DCUN1D2: variants seen among roughly 807,000 people sequenced by gnomAD.
DCUN1D2 encodes DCN1-like protein 2.
DCUN1D2 carries 29 observed loss-of-function variants against 30.9 expected under a neutral mutation model. That is an observed-to-expected ratio of 0.94 (90% CI 0.70 to 1.28). The LOEUF (loss-of-function observed/expected upper bound fraction) is 1.28, where lower values mean the gene tolerates loss of function less well. Among genes scored for constraint, DCUN1D2 ranks in the 50% most tolerant of loss-of-function variants. The probability of loss-of-function intolerance (pLI) is 0.00; values close to 1 mark genes in which losing one functional copy is unlikely to be tolerated. For synonymous variants in DCUN1D2, 121 were observed against 115.3 expected (o/e 1.05, Z -0.32); for missense variants, 325 against 316.9 (o/e 1.03, Z -0.19).
chr13:113,480,506 G>C (rs1285215048), intron 3 of DCUN1D2, 69 bp downstream of exon 3: 2 of 1,555,976 alleles, frequency 1.3e-6, no homozygotes, highest in African/African-American at 1.4e-5. Flanking sequence ...GTATGTACAG[G>C]TTGCTGAAAA....
At chr13:113,461,023 G>A in intron 5 of DCUN1D2, 31 bp downstream of exon 5, 1 of 1,445,490 alleles carries the variant, frequency 6.9e-7, no homozygotes, top group Non-Finnish European at 9.7e-7. Context: ...CTCCACAGTG[G>A]GCACACAGCG....
chr13:113,481,610 A>G (rs2044708648), intron 2 of DCUN1D2, among the ~76,000 whole-genome samples: 3 of 152,226 alleles, frequency 2.0e-5, no homozygotes, highest in Non-Finnish European at 4.4e-5. Context: ...GTGGCTGGGC[A>G]CGGTGGCTCA....
intron 2 of DCUN1D2, among the ~76,000 whole-genome samples, chr13:113,482,380 T>G (rs1215478616): frequency 6.6e-6 from 1 of 152,218 alleles, no homozygotes; most frequent in African/African-American, 2.4e-5. Flanking sequence ...TAAATAACTT[T>G]TAAAAATCTG....
Position 113,483,763 on chromosome 13 carries a change from C to G in DCUN1D2, c.220+77G>C, listed in dbSNP as rs1341894336. On this transcript the variant is annotated intron_variant, in intron 2 of 6. Coordinates refer to ENST00000478244, the MANE Select transcript of DCUN1D2 (RefSeq NM_001014283.2). ...GCAGCCCGGAGACCTGCCCCGGCAC[C>G]AGAACCCTGGAAGTGCAGCGCGCAG... The G allele has an allele frequency of 2.1e-6, 3 of 1,455,878 alleles. No homozygotes were observed. The African/African-American group carries it at 4.2e-5, about 20-fold the overall frequency. 90.2% of individuals were successfully genotyped at this position (1,455,878 alleles called of 1,614,324 possible).
rs761173109 is a variant in DCUN1D2 at position 113,484,022 on chromosome 13, C to T, written c.38G>A (p.Arg13His). ...KLKSSQKDKV[R>H]QFMACTQAGE... ...AGCCTGAGTGCACGCCATAAACTGG[C>T]GGACCTTGTCCTTCTGAGACGATTT... Residue 13 changes from arginine (R) to histidine (H), a missense_variant, in exon 2 of 7, where the codon CGC (arginine) becomes CAC (histidine). Transcript: ENST00000478244. 10 of 1,613,962 alleles carry T rather than the reference C, an allele frequency of 6.2e-6. No individual in the cohort carries two copies. Among genetic ancestry groups the T allele is most frequent in the East Asian group, 4.5e-5 (2 of 44,902 alleles).
rs1310471234 is a variant in DCUN1D2, at chr13:113,490,341, G to C, written c.3+326C>G. On this transcript the variant is annotated intron_variant, in intron 1 of 6. Coordinates refer to ENST00000478244, the MANE Select transcript of DCUN1D2 (RefSeq NM_001014283.2). This position sits in a 1 kb window ranked among gnomAD's most constrained non-coding sequence, Gnocchi z 5.2. ...CGCCTCGACTGCCCGTTTCGAAGCC[G>C]CCCTGGGAAGCCCCCGGCCTGGGTT... The C allele has an allele frequency of 3.9e-6, 1 of 254,886 alleles. No homozygotes were observed. Among genetic ancestry groups the C allele is most frequent in the East Asian group, 7.7e-5 (1 of 12,984 alleles). The allele number at this position is 254,886 out of a possible 1,614,324, so 15.8% of individuals were successfully genotyped here.
chr13:113,474,110 G>C lies in DCUN1D2; in HGVS notation c.520+14C>G. On this transcript the variant is annotated intron_variant, in intron 4 of 6. Coordinates refer to ENST00000478244, the MANE Select transcript of DCUN1D2 (RefSeq NM_001014283.2). ...TATGATCTGGCATTTTACGTATTTG[G>C]ATTTCATACTCACCTAAACCTTTCT... is the stretch of plus-strand genomic sequence containing the variant. 1 of 1,609,122 alleles carries C rather than the reference G, an allele frequency of 6.2e-7. No homozygotes were observed. Among genetic ancestry groups the C allele is most frequent in the African/African-American group, 1.3e-5 (1 of 74,904 alleles).
At chr13:113,484,388 G>A (rs979433734) in intron 1 of DCUN1D2, among the ~76,000 whole-genome samples, 2 of 152,132 alleles carry the variant, frequency 1.3e-5, no homozygotes, top group African/African-American at 2.4e-5. Flanking sequence ...GAGGACACAG[G>A]GCAAGGACCT....
chr13:113,490,531 TC>T lies in DCUN1D2; in HGVS notation c.3+135del. On this transcript the variant is annotated intron_variant, in intron 1 of 6. Transcript: ENST00000478244. The surrounding 1 kb of genome is among the most constrained non-coding windows in gnomAD (Gnocchi z 5.2). The stretch of plus-strand genomic sequence containing the variant: ...GGCTCGCGGGCCCGCGGCGCGTTCC[TC>T]CCTCGGATCCACGCGGAACGCCCCG... 2.1e-6 allele frequency: 2 copies of T among 937,680 alleles called. No individual in the cohort carries two copies. The highest frequency in any genetic ancestry group is 4.5e-5 in the Admixed American group (1 of 22,024). The allele number at this position is 937,680 out of a possible 1,614,324, so 58.1% of individuals were successfully genotyped here.
chr13:113,482,460 C>T (rs1002215236), intron 2 of DCUN1D2, among the ~76,000 whole-genome samples: 1 of 152,160 alleles, frequency 6.6e-6, no homozygotes, highest in East Asian at 1.9e-4. Context: ...TTAAAGTAGA[C>T]TAAAGCTTAA....
chr13:113,460,630 G>A (rs546877874), intron 5 of DCUN1D2, among the ~76,000 whole-genome samples: 5 of 152,332 alleles, frequency 3.3e-5, no homozygotes, highest in Admixed American at 6.5e-5. Flanking sequence ...GCTGGGCACC[G>A]CCACATACAA....
rs538743261 is a variant in DCUN1D2, at chr13:113,463,601, A to G, written c.521-2465T>C. ...CTGATTCAAGACTCTAGCCAGTATG[A>G]AACTATGTTGTTTCTTACATTAAAA... is the stretch of plus-strand genomic sequence containing the variant. On this transcript the variant is annotated intron_variant, in intron 4 of 6. Transcript: ENST00000478244. 3.9e-5 allele frequency among the ~76,000 whole-genome samples: 6 copies of G among 152,326 alleles called. No individual in the cohort carries two copies. The South Asian group carries it at 8.3e-4, about 21-fold the overall frequency.
chr13:113,473,572 A>G (rs1057446388), intron 4 of DCUN1D2, among the ~76,000 whole-genome samples: 3 of 152,244 alleles, frequency 2.0e-5, no homozygotes, highest in African/African-American at 7.2e-5. Context: ...AAATTAGTTT[A>G]CATTTTAAAA....
intron 4 of DCUN1D2, 116 bp from the exon 5 acceptor site, chr13:113,461,252 C>T (rs1398756969): frequency 3.0e-6 from 2 of 663,196 alleles, no homozygotes; most frequent in African/African-American, 1.8e-5. Context: ...CAATCTCACC[C>T]AAGAGTCATG....
chr13:113,459,243 A>C lies in DCUN1D2; in HGVS notation c.700+69T>G, dbSNP rs192187228. ...CTCAGTGACGGGGTCACCACTCTAG[A>C]GGCAGGAGAAGTTAACGTTCTCAGG... On this transcript the variant is annotated intron_variant, in intron 6 of 6. Coordinates refer to ENST00000478244, the MANE Select transcript of DCUN1D2 (RefSeq NM_001014283.2). The C allele has an allele frequency of 1.6e-3, 1,319 of 844,186 alleles. 4 individuals are homozygous for C. The highest frequency in any genetic ancestry group is 9.9e-4 in the Non-Finnish European group (477 of 480,532). The allele number at this position is 844,186 out of a possible 1,614,324, so 52.3% of individuals were successfully genotyped here.
chr13:113,482,055 A>G (rs1324361804), intron 2 of DCUN1D2, among the ~76,000 whole-genome samples: 1 of 152,218 alleles, frequency 6.6e-6, no homozygotes, highest in Non-Finnish European at 1.5e-5. Context: ...GAATAGAAAT[A>G]TTGATCTACA....
chr13:113,476,706 G>A (rs1432796571), intron 3 of DCUN1D2, among the ~76,000 whole-genome samples: 2 of 152,012 alleles, frequency 1.3e-5, no homozygotes, highest in Non-Finnish European at 2.9e-5. Flanking sequence ...TTTTGTTGAT[G>A]TTTTAAAAAT....
chr13:113,488,530 G>T lies in DCUN1D2; in HGVS notation c.3+2137C>A, dbSNP rs965257546. On this transcript the variant is annotated intron_variant, in intron 1 of 6. Coordinates refer to ENST00000478244, the MANE Select transcript of DCUN1D2 (RefSeq NM_001014283.2). The surrounding 1 kb of genome is among the most constrained non-coding windows in gnomAD (Gnocchi z 4.3). ...CATAAAGCTTCTTAGGAAACAAAAA[G>T]GCTCGTCAACTAAAAAACTACAGGG... Among the ~76,000 whole-genome samples, 1 of 152,206 alleles carries T rather than the reference G, an allele frequency of 6.6e-6. No homozygotes were observed. Among genetic ancestry groups the T allele is most frequent in the Admixed American group, 6.5e-5 (1 of 15,276 alleles).
rs1465211402 is a variant in DCUN1D2, at chr13:113,457,228, T to C, written c.*801A>G. ...TCACTCATAAAATAAATGTTTTTCATGGAAAAATGTCTTTTTAAATGTAAT... is the reference window on the plus strand; with the variant it reads ...TCACTCATAAAATAAATGTTTTTCACGGAAAAATGTCTTTTTAAATGTAAT... On this transcript the variant is annotated 3_prime_UTR_variant, in exon 7 of 7. Coordinates refer to ENST00000478244, the MANE Select transcript of DCUN1D2 (RefSeq NM_001014283.2). 1.3e-5 allele frequency: 2 copies of C among 152,300 alleles called. No homozygotes were observed. The highest frequency in any genetic ancestry group is 1.9e-4 in the East Asian group (1 of 5,192). The allele number at this position is 152,300 out of a possible 1,614,324, so 9.4% of individuals were successfully genotyped here.
Sources: gnomAD v4.1 joint callset for allele counts (sites outside exome capture counted in the v4.1 genomes callset) on GRCh38, gnomAD v4.1.1 for gene constraint, Gnocchi (gnomAD v3.1) non-coding constraint, MANE v1.5 for transcripts, NCBI Gene and HGNC (gene_info 2026-07-23, HGNC 2026-07-21) for gene names.